Variants in ZDHHC2 observed in about 807,000 individuals in gnomAD.
The protein encoded by ZDHHC2 is zDHHC palmitoyltransferase 2.
A neutral mutation model predicts 55.6 loss-of-function variants in ZDHHC2; 51 were observed. The ratio of observed to expected loss-of-function variants is 0.92; its 90% confidence interval spans 0.73 to 1.16. The LOEUF (loss-of-function observed/expected upper bound fraction) is 1.16, where lower values mean the gene tolerates loss of function less well. Ranked by LOEUF, ZDHHC2 falls within the 50% of genes most tolerant of loss-of-function variation. The pLI is 0.00. For synonymous variants in ZDHHC2, 199 were observed against 152.9 expected (o/e 1.30, Z -2.22); for missense variants, 491 against 442.4 (o/e 1.11, Z -0.99).
chr8:17,189,980 C>A (rs1285456083), intron 3 of ZDHHC2, among the ~76,000 whole-genome samples: 1 of 152,166 alleles, frequency 6.6e-6, no homozygotes, highest in South Asian at 2.1e-4. Context: ...CTTAAGGACA[C>A]TTTCTTTTCA....
intron 3 of ZDHHC2, among the ~76,000 whole-genome samples, chr8:17,191,465 ACT>A (rs1806025460): frequency 6.6e-6 from 1 of 152,108 alleles, no homozygotes; most frequent in South Asian, 2.1e-4. Context: ...CAAGTTTCCT[ACT>A]ACCCTTCCCA....
At chr8:17,167,627 A>G (rs913712322) in intron 1 of ZDHHC2, among the ~76,000 whole-genome samples, 2 of 152,198 alleles carry the variant, frequency 1.3e-5, no homozygotes, top group Non-Finnish European at 2.9e-5. Context: ...GGTTTCACAT[A>G]TAACAATAAA....
Position 17,156,758 on chromosome 8 carries a change from G to C in ZDHHC2, c.35G>C (p.Arg12Pro). The change falls in exon 1 of 13, where the codon CGG (arginine) becomes CCG (proline). Residue 12 changes from arginine to proline, a missense_variant. Arg to Pro is a moderately radical substitution (Grantham distance 103, BLOSUM62 -2). Transcript: ENST00000262096. ...TCGGGCCCGGGCAGCAGCGCCAGGCGGCGGTGCCGGCGGGTGCTGTACTGG... is the reference window on the plus strand; with the variant it reads ...TCGGGCCCGGGCAGCAGCGCCAGGCCGCGGTGCCGGCGGGTGCTGTACTGG... Reference protein sequence around the residue: ...APSGPGSSARRRCRRVLYWIP... With the variant: ...APSGPGSSARPRCRRVLYWIP... The C allele has an allele frequency of 2.0e-6, 3 of 1,501,690 alleles. No individual in the cohort carries two copies. The highest frequency in any genetic ancestry group is 2.7e-6 in the Non-Finnish European group (3 of 1,123,642). 93.0% of individuals were successfully genotyped at this position (1,501,690 alleles called of 1,614,324 possible). A position where few individuals can be genotyped will look rare whatever the true frequency, so the allele number is the denominator to read the frequency against.
rs895180665 is a variant in ZDHHC2, at chr8:17,223,862, A to T, written c.*3641A>T. On this transcript the variant is annotated 3_prime_UTR_variant, in exon 13 of 13. Coordinates refer to ENST00000262096, the MANE Select transcript of ZDHHC2 (RefSeq NM_016353.5). ...CATGCATTTTCCTTTTCTCTTTTCCATAAGATTTTTTTATTGTAGTAGTGC... is the reference window on the plus strand; with the variant it reads ...CATGCATTTTCCTTTTCTCTTTTCCTTAAGATTTTTTTATTGTAGTAGTGC... 1 of 151,702 alleles carries T rather than the reference A, an allele frequency of 6.6e-6. No individual in the cohort carries two copies. Among genetic ancestry groups the T allele is most frequent in the Admixed American group, 6.6e-5 (1 of 15,210 alleles). 9.4% of individuals were successfully genotyped at this position (151,702 alleles called of 1,614,324 possible). A position where few individuals can be genotyped will look rare whatever the true frequency, so the allele number is the denominator to read the frequency against.
At chr8:17,191,199 A>G in intron 3 of ZDHHC2, among the ~76,000 whole-genome samples, 1 of 151,484 alleles carries the variant, frequency 6.6e-6, no homozygotes, top group South Asian at 2.1e-4. Context: ...TGACCTCGTG[A>G]TCCGCCCACC....
intron 4 of ZDHHC2, among the ~76,000 whole-genome samples, chr8:17,197,038 C>A (rs1806352817): frequency 6.6e-6 from 1 of 152,038 alleles, no homozygotes; most frequent in Non-Finnish European, 1.5e-5. Flanking sequence ...CTTAGTTTTA[C>A]CCTACAAAGA....
chr8:17,197,667 A>C lies in ZDHHC2; in HGVS notation c.443+16A>C, dbSNP rs1000693075. The C allele has an allele frequency of 6.2e-7, 1 of 1,607,036 alleles. No individual in the cohort carries two copies. Among genetic ancestry groups the C allele is most frequent in the Non-Finnish European group, 8.5e-7 (1 of 1,175,922 alleles). Reference sequence around the variant, plus strand: ...TCTGTGATAAGTAAGAGAACCTTTAACTTCTAAAATATCTACATGCTGGTG... The same window carrying C: ...TCTGTGATAAGTAAGAGAACCTTTACCTTCTAAAATATCTACATGCTGGTG... On this transcript the variant is annotated intron_variant, in intron 5 of 12. Coordinates refer to ENST00000262096, the MANE Select transcript of ZDHHC2 (RefSeq NM_016353.5).
chr8:17,214,015 C>A (rs767458031), intron 10 of ZDHHC2, among the ~76,000 whole-genome samples: 1 of 151,934 alleles, frequency 6.6e-6, no homozygotes, highest in Non-Finnish European at 1.5e-5. Context: ...ACGCATATAT[C>A]CTTTAAAAAC....
intron 1 of ZDHHC2, among the ~76,000 whole-genome samples, chr8:17,157,089 G>A (rs1804097501): frequency 6.6e-6 from 1 of 151,988 alleles, no homozygotes; most frequent in Admixed American, 6.5e-5. Flanking sequence ...CCCCGCACTC[G>A]CCGCCGAGCC....
At chr8:17,195,656 T>A in intron 4 of ZDHHC2, 32 bp downstream of exon 4, 1 of 1,612,080 alleles carries the variant, frequency 6.2e-7, no homozygotes, top group Non-Finnish European at 8.5e-7. Context: ...TTTGCAATGG[T>A]ATGCAAATAA....
At chr8:17,193,179 T>G (rs1295655001) in intron 3 of ZDHHC2, among the ~76,000 whole-genome samples, 3 of 152,208 alleles carry the variant, frequency 2.0e-5, no homozygotes, top group Non-Finnish European at 4.4e-5. Flanking sequence ...CATTTTAGTA[T>G]TTGTCCTCCT....
At chr8:17,166,033 G>A (rs1443930542) in intron 1 of ZDHHC2, among the ~76,000 whole-genome samples, 1 of 152,222 alleles carries the variant, frequency 6.6e-6, no homozygotes, top group East Asian at 1.9e-4. Context: ...GGAGAAAGCA[G>A]AGATCATGGA....
At chr8:17,172,712 G>T (rs1015049978) in intron 1 of ZDHHC2, among the ~76,000 whole-genome samples, 1 of 152,176 alleles carries the variant, frequency 6.6e-6, no homozygotes, top group Non-Finnish European at 1.5e-5. Context: ...CTTAATGTCA[G>T]TGTCTGCATG....
intron 4 of ZDHHC2, among the ~76,000 whole-genome samples, chr8:17,196,257 C>A (rs1043638738): frequency 2.6e-5 from 4 of 152,080 alleles, no homozygotes; most frequent in African/African-American, 9.7e-5. Context: ...TGACTTCAGA[C>A]CTGTGCTGTC....
chr8:17,217,083 A>G (rs1807686619), intron 11 of ZDHHC2, 89 bp from the exon 12 acceptor site: 1 of 1,323,684 alleles, frequency 7.6e-7, no homozygotes, highest in African/African-American at 1.5e-5. Context: ...GAAGTCTACC[A>G]AGGGATTCCT....
Position 17,220,997 on chromosome 8 carries a change from T to C in ZDHHC2, c.*776T>C, listed in dbSNP as rs1358779004. 1 of 152,272 alleles carries C rather than the reference T, an allele frequency of 6.6e-6. No individual in the cohort carries two copies. Among genetic ancestry groups the C allele is most frequent in the African/African-American group, 2.4e-5 (1 of 41,460 alleles). The allele number at this position is 152,272 out of a possible 1,614,324, so 9.4% of individuals were successfully genotyped here. A position where few individuals can be genotyped will look rare whatever the true frequency, so the allele number is the denominator to read the frequency against. On this transcript the variant is annotated 3_prime_UTR_variant, in exon 13 of 13. Coordinates refer to ENST00000262096, the MANE Select transcript of ZDHHC2 (RefSeq NM_016353.5). ...GGGAGGAAATTTATGATAGCAATTA[T>C]GAAGATTGTTTTATGACATTCTTTT...
At chr8:17,181,738 C>A (rs1007888305) in intron 1 of ZDHHC2, among the ~76,000 whole-genome samples, 1 of 152,042 alleles carries the variant, frequency 6.6e-6, no homozygotes, top group African/African-American at 2.4e-5. Flanking sequence ...TTCAGTATTG[C>A]TATTTAGTTT....
At chr8:17,175,467 A>G (rs1169240198) in intron 1 of ZDHHC2, among the ~76,000 whole-genome samples, 1 of 152,168 alleles carries the variant, frequency 6.6e-6, no homozygotes, top group Non-Finnish European at 1.5e-5. Context: ...ATTATTCACT[A>G]TGCACTTCTT....
chr8:17,201,377 T>A (rs899575699), intron 6 of ZDHHC2, among the ~76,000 whole-genome samples: 4 of 149,878 alleles, frequency 2.7e-5, no homozygotes, highest in African/African-American at 9.7e-5. Context: ...ATATAAAAAA[T>A]CTTTTTCTAC....
Sources: allele counts gnomAD v4.1 joint callset (sites outside exome capture counted in the v4.1 genomes callset), GRCh38; gene constraint gnomAD v4.1.1; transcripts MANE v1.5; gene names NCBI Gene and HGNC (gene_info 2026-07-23, HGNC 2026-07-21).